The following TP63 variants were observed in gnomAD, a reference collection of about 807,000 sequenced individuals.
The protein encoded by TP63 is tumor protein p63.
Under a neutral mutation model 82.8 loss-of-function variants are expected in TP63, and 17 were observed. The observed-to-expected ratio is 0.21, with a 90% CI of 0.14 to 0.31. TP63 has a LOEUF of 0.31. TP63 is among the 10% of genes least tolerant of loss of function. The pLI is 1.00. For synonymous variants in TP63, 330 were observed against 321.7 expected (o/e 1.03, Z -0.28); for missense variants, 648 against 895.3 (o/e 0.72, Z 3.52).
intron 3 of TP63, among the ~76,000 whole-genome samples, chr3:189,785,450 A>G (rs1724527400): frequency 1.3e-5 from 2 of 152,124 alleles, no homozygotes. Context: ...TTGCATTGAA[A>G]GATAGAATTT....
intron 1 of TP63, among the ~76,000 whole-genome samples, chr3:189,734,809 T>C (rs1720454010): frequency 6.6e-6 from 1 of 152,198 alleles, no homozygotes; most frequent in African/African-American, 2.4e-5. Flanking sequence ...CAGTCCTCTC[T>C]ACCTATGCCT....
chr3:189,626,933 TG>T (rs1729332043), upstream of TP63, among the ~76,000 whole-genome samples: 1 of 152,092 alleles, frequency 6.6e-6, no homozygotes, highest in Non-Finnish European at 1.5e-5. Flanking sequence ...TTTGTTTGTT[TG>T]TTTGTTTGTG....
At chr3:189,767,900 C>G (rs566639578) in intron 3 of TP63, among the ~76,000 whole-genome samples, 48 of 152,242 alleles carry the variant, frequency 3.2e-4, no homozygotes, top group African/African-American at 1.1e-3. Flanking sequence ...ACACATGTCA[C>G]TAACCCTCTC....
chr3:189,874,479 A>C (rs998160465), intron 10 of TP63, among the ~76,000 whole-genome samples: 1 of 152,188 alleles, frequency 6.6e-6, no homozygotes, highest in South Asian at 2.1e-4. Context: ...AAAGAGGCAC[A>C]TTCTCTGTTC....
In TP63 at chr3:189,718,053, C is replaced by T. The variant is rs1577295792; in HGVS notation, c.63-19687C>T. On this transcript the variant is annotated intron_variant, in intron 1 of 13. Transcript: ENST00000264731. ...AAGGTCTATATTGGAAAAACAAAAA[C>T]AAATGCCAATCTTTACAGAGGGTAA... 2.0e-5 allele frequency among the ~76,000 whole-genome samples: 3 copies of T among 152,198 alleles called. No homozygotes were observed. The South Asian group carries it at 6.2e-4, about 32-fold the overall frequency.
chr3:189,761,883 A>G (rs540359415), intron 3 of TP63, among the ~76,000 whole-genome samples: 81 of 152,346 alleles, frequency 5.3e-4, no homozygotes, highest in Non-Finnish European at 5.3e-4. Flanking sequence ...CAGCAGGCAG[A>G]GAGAGCTTGT....
chr3:189,837,359 T>C (rs752712996), intron 4 of TP63, among the ~76,000 whole-genome samples: 5 of 146,224 alleles, frequency 3.4e-5, no homozygotes, highest in African/African-American at 5.0e-5. Flanking sequence ...ACCTTGAAGA[T>C]TGGCAAAATG....
chr3:189,818,426 A>T (rs576886723), intron 4 of TP63, among the ~76,000 whole-genome samples: 35 of 152,224 alleles, frequency 2.3e-4, no homozygotes, highest in African/African-American at 8.2e-4. Context: ...CTTGACATAT[A>T]TGTATTAAGT....
At chr3:189,625,181 G>T in the TP63 span, among the ~76,000 whole-genome samples, 1 of 152,134 alleles carries the variant, frequency 6.6e-6, no homozygotes, top group African/African-American at 2.4e-5. Context: ...ACCTTGGAAG[G>T]AACTCTGCAA....
the TP63 span, among the ~76,000 whole-genome samples, chr3:189,598,035 C>G: frequency 2.4e-4 from 37 of 151,810 alleles, no homozygotes; most frequent in South Asian, 7.1e-3. Flanking sequence ...AGTTATAGAA[C>G]TGTAAAATAC....
At chr3:189,761,050 G>A (rs969279376) in intron 3 of TP63, among the ~76,000 whole-genome samples, 3 of 152,148 alleles carry the variant, frequency 2.0e-5, no homozygotes, top group Non-Finnish European at 2.9e-5. Context: ...GATACCCTGG[G>A]CTTGCCTATG....
chr3:189,866,544 C>T (rs753932180), intron 5 of TP63, 138 bp from the exon 6 acceptor site: 61 of 754,578 alleles, frequency 8.1e-5, no homozygotes, highest in Non-Finnish European at 1.2e-4. Flanking sequence ...GGGATCTGTT[C>T]GTTTCTTCAA....
At chr3:189,887,204 G>A (rs1211088508) in intron 11 of TP63, among the ~76,000 whole-genome samples, 1 of 135,316 alleles carries the variant, frequency 7.4e-6, no homozygotes, top group African/African-American at 2.8e-5. Context: ...GTGAGACTCA[G>A]TCTCAAAAAA....
At chr3:189,871,481 T>G (rs944475181) in intron 9 of TP63, among the ~76,000 whole-genome samples, 8 of 152,196 alleles carry the variant, frequency 5.3e-5, no homozygotes, top group Non-Finnish European at 1.2e-4. Context: ...CAAGAAAAGC[T>G]TCTCAGAGAA....
intron 3 of TP63, among the ~76,000 whole-genome samples, chr3:189,750,085 C>T (rs1721690237): frequency 7.0e-6 from 1 of 143,826 alleles, no homozygotes. Flanking sequence ...GATCCCACCA[C>T]TGCACTACAG....
rs1054151102 is a variant in TP63 at position 189,830,628 on chromosome 3, G to A, written c.579+22102G>A. Among the ~76,000 whole-genome samples the A allele has an allele frequency of 3.9e-5, 6 of 152,086 alleles. No homozygotes were observed. The South Asian group carries it at 8.3e-4, about 21-fold the overall frequency. ...AACACGCAATTTTGTTGCTGCTGCTGTTGTTTTATTATGCCTGTCACTTGA... is the reference window on the plus strand; with the variant it reads ...AACACGCAATTTTGTTGCTGCTGCTATTGTTTTATTATGCCTGTCACTTGA... On this transcript the variant is annotated intron_variant, in intron 4 of 13. Transcript: ENST00000264731.
rs1721541808 is a variant in TP63, at chr3:189,897,214, T to G, written c.*2712T>G. The G allele has an allele frequency of 4.7e-6, 1 of 211,006 alleles. No individual in the cohort carries two copies. Among genetic ancestry groups the G allele is most frequent in the South Asian group, 1.9e-4 (1 of 5,346 alleles). 13.1% of individuals were successfully genotyped at this position (211,006 alleles called of 1,614,324 possible). On this transcript the variant is annotated 3_prime_UTR_variant, in exon 14 of 14. Coordinates refer to ENST00000264731, the MANE Select transcript of TP63 (RefSeq NM_003722.5). ...TGGGGAGCCAGAAGCCAATCTACAA[T>G]CTCTTTTTGTTTGCCAGGACATGCA...
At chr3:189,598,055 C>T in the TP63 span, among the ~76,000 whole-genome samples, 4 of 151,830 alleles carry the variant, frequency 2.6e-5, no homozygotes, top group South Asian at 8.3e-4. Flanking sequence ...CTGAAATGAA[C>T]TTATAAATTC....
At chr3:189,843,368 G>A (rs1714414728) in intron 4 of TP63, among the ~76,000 whole-genome samples, 1 of 152,198 alleles carries the variant, frequency 6.6e-6, no homozygotes, top group Admixed American at 6.5e-5. Flanking sequence ...GCGCGGCCCG[G>A]GAAGAATGTG....
Sources: allele counts gnomAD v4.1 joint callset (sites outside exome capture counted in the v4.1 genomes callset), GRCh38; gene constraint gnomAD v4.1.1; transcripts MANE v1.5; gene names NCBI Gene and HGNC (gene_info 2026-07-23, HGNC 2026-07-21).